Variants in ACTR3C observed in about 807,000 individuals in gnomAD.
ACTR3C encodes actin related protein 3C.
A neutral mutation model predicts 26.3 loss-of-function variants in ACTR3C; 18 were observed. The observed-to-expected ratio is 0.68, with a 90% CI of 0.47 to 1.01. The LOEUF (loss-of-function observed/expected upper bound fraction) is 1.01. ACTR3C is among the 50% of genes least tolerant of loss of function. The pLI is 0.00. For missense variants in ACTR3C, 184 were observed against 250.7 expected, an observed-to-expected ratio of 0.73 and a Z score of 1.80; for synonymous variants, 55 against 94.5, an observed-to-expected ratio of 0.58 and a Z score of 2.42.
the ACTR3C span, chr7:149,892,485 C>T: frequency 7.8e-7 from 1 of 1,290,094 alleles, no homozygotes; most frequent in Non-Finnish European, 1.0e-6. Flanking sequence ...AATATACACA[C>T]AAGTAAATTT....
chr7:150,124,677 T>C, the ACTR3C span, among the ~76,000 whole-genome samples: 1 of 152,134 alleles, frequency 6.6e-6, no homozygotes, highest in East Asian at 1.9e-4. Context: ...TCCTTCACCC[T>C]TACTCAGGTT....
At chr7:150,010,091 T>C in the ACTR3C span, among the ~76,000 whole-genome samples, 1 of 152,222 alleles carries the variant, frequency 6.6e-6, no homozygotes, top group Non-Finnish European at 1.5e-5. Flanking sequence ...ACACCACTCC[T>C]TTCCCTTCCT....
the ACTR3C span, among the ~76,000 whole-genome samples, chr7:149,924,428 AAAAC>A: frequency 3.4e-4 from 52 of 152,266 alleles, no homozygotes; most frequent in Admixed American, 3.3e-4. Context: ...ACAATAAGTG[AAAAC>A]AAACAAACAA....
the ACTR3C span, among the ~76,000 whole-genome samples, chr7:150,210,510 A>G: frequency 6.8e-6 from 1 of 147,526 alleles, no homozygotes; most frequent in Non-Finnish European, 1.5e-5. Context: ...TACACAAACC[A>G]TGGTATAGGC....
chr7:150,307,654 T>G (rs1213323482), intron 1 of ACTR3C, among the ~76,000 whole-genome samples: 1 of 152,228 alleles, frequency 6.6e-6, no homozygotes, highest in Admixed American at 6.5e-5. Context: ...AAAGCTTTAT[T>G]GCTCACACAA....
the ACTR3C span, chr7:150,041,290 G>C: frequency 6.6e-6 from 1 of 150,994 alleles, no homozygotes; most frequent in South Asian, 2.1e-4. Flanking sequence ...CAGCTCCTAA[G>C]AATTCTCTCA....
chr7:149,992,067 G>A, the ACTR3C span, among the ~76,000 whole-genome samples: 1 of 149,250 alleles, frequency 6.7e-6, no homozygotes, highest in Non-Finnish European at 1.5e-5. Flanking sequence ...TGTTTGTTAT[G>A]TAAGCACACA....
At chr7:150,236,978 G>A in the ACTR3C span, among the ~76,000 whole-genome samples, 7 of 151,596 alleles carry the variant, frequency 4.6e-5, no homozygotes, top group Non-Finnish European at 7.4e-5. Context: ...GGCAGTGATA[G>A]GAATAAATGT....
chr7:149,917,216 C>T, the ACTR3C span, among the ~76,000 whole-genome samples: 1 of 152,108 alleles, frequency 6.6e-6, no homozygotes, highest in Admixed American at 6.5e-5. Flanking sequence ...GCTGGGATTA[C>T]AGGCATGCGC....
the ACTR3C span, among the ~76,000 whole-genome samples, chr7:150,031,250 C>T: frequency 7.0e-6 from 1 of 142,818 alleles, no homozygotes; most frequent in Non-Finnish European, 1.5e-5. Flanking sequence ...GAGAGAGACT[C>T]TGTCCCAAAT....
chr7:150,068,622 C>CAAAA, the ACTR3C span, among the ~76,000 whole-genome samples: 222 of 141,482 alleles, frequency 1.6e-3, 1 homozygote, highest in African/African-American at 2.3e-3. Context: ...ACTAAAAATA[C>CAAAA]AAAAAAAAAA....
the ACTR3C span, among the ~76,000 whole-genome samples, chr7:149,898,680 C>G: frequency 6.6e-6 from 1 of 151,468 alleles, no homozygotes; most frequent in South Asian, 2.1e-4. Context: ...TGCACTCCAG[C>G]CTGGCAACAG....
the ACTR3C span, among the ~76,000 whole-genome samples, chr7:150,106,976 T>G: frequency 6.9e-6 from 1 of 145,634 alleles, no homozygotes; most frequent in Non-Finnish European, 1.5e-5. Context: ...ATGAAATGAA[T>G]AAGATCATTG....
the ACTR3C span, among the ~76,000 whole-genome samples, chr7:150,034,473 TC>T: frequency 6.6e-6 from 1 of 151,208 alleles, no homozygotes; most frequent in African/African-American, 2.4e-5. Context: ...AACTTCCATG[TC>T]CCCGCCCCCT....
rs1836445160 is a variant in ACTR3C, at chr7:150,293,377, C to G, written c.88G>C (p.Gly30Arg). Residue 30 changes from glycine (G) to arginine (R), a missense_variant, in exon 3 of 8, where the codon GGT becomes CGT. Gly to Arg is a moderately radical substitution (Grantham distance 125). Coordinates refer to ENST00000683684, the MANE Select transcript of ACTR3C (RefSeq NM_001164458.2). Reference sequence around the variant, plus strand: ...ACTATCCCCGTTAATGTACGTTCACCCACTTGTCGAGATGTCCAAGATGCC... The same window carrying G: ...ACTATCCCCGTTAATGTACGTTCACGCACTTGTCGAGATGTCCAAGATGCC... ...LAASWTSRQV[G>R]ERTLTGIVID... 6.2e-7 allele frequency: 1 copy of G among 1,607,316 alleles called. No individual in the cohort carries two copies. The highest frequency in any genetic ancestry group is 1.3e-5 in the African/African-American group (1 of 74,782).
chr7:150,317,599 A>C (rs1797068069), intron 1 of ACTR3C, among the ~76,000 whole-genome samples: 1 of 152,206 alleles, frequency 6.6e-6, no homozygotes, highest in Non-Finnish European at 1.5e-5. Flanking sequence ...AAACCACCAG[A>C]ACAACGTTAA....
chr7:150,034,326 C>T, the ACTR3C span, among the ~76,000 whole-genome samples: 15 of 147,470 alleles, frequency 1.0e-4, no homozygotes, highest in South Asian at 2.2e-4. Context: ...GGTTAAAAGT[C>T]CAGCTGCCAT....
downstream of ACTR3C, among the ~76,000 whole-genome samples, chr7:150,240,224 G>C (rs2129608351): frequency 6.6e-6 from 1 of 152,286 alleles, no homozygotes; most frequent in South Asian, 2.1e-4. Context: ...CCATTTTAAA[G>C]TGTAGAATTC....
At chr7:150,184,565 C>T in the ACTR3C span, among the ~76,000 whole-genome samples, 3 of 150,090 alleles carry the variant, frequency 2.0e-5, no homozygotes, top group South Asian at 2.1e-4. Context: ...ACATAAACAG[C>T]TCCATTTTTA....
Sources: gnomAD v4.1 joint callset for allele counts (sites outside exome capture counted in the v4.1 genomes callset) on GRCh38, gnomAD v4.1.1 for gene constraint, MANE v1.5 for transcripts, NCBI Gene and HGNC (gene_info 2026-07-23, HGNC 2026-07-21) for gene names.